Variants in CACNA1S observed in about 807,000 individuals in gnomAD.
CACNA1S encodes the protein voltage-dependent L-type calcium channel subunit alpha-1S.
Under a neutral mutation model 207.4 loss-of-function variants are expected in CACNA1S, and 126 were observed. The ratio of observed to expected loss-of-function variants is 0.61; its 90% CI spans 0.53 to 0.70. CACNA1S has a LOEUF of 0.70. Among genes scored for constraint, CACNA1S ranks in the 30% least tolerant of loss-of-function variants. CACNA1S has a pLI of 0.00. For synonymous variants in CACNA1S, 960 were observed against 932.7 expected, an observed-to-expected ratio of 1.03 and a Z score of -0.53; for missense variants, 2,349 against 2,422.8, an observed-to-expected ratio of 0.97 and a Z score of 0.64.
At chr1:201,090,031 G>A (rs1662170122) in intron 5 of CACNA1S, among the ~76,000 whole-genome samples, 1 of 152,244 alleles carries the variant, frequency 6.6e-6, no homozygotes, top group Non-Finnish European at 1.5e-5. Flanking sequence ...TACTTCTGAT[G>A]ACATCCTGCA....
At chr1:201,048,712 G>A (rs199750489) in intron 35 of CACNA1S, 28 bp from the exon 36 acceptor site, 39 of 1,587,706 alleles carry the variant, frequency 2.5e-5, no homozygotes, top group East Asian at 6.7e-5. Context: ...GTGGCCTGCC[G>A]CTGAGCTGGG....
chr1:201,093,600 A>G (rs556962352), intron 3 of CACNA1S, among the ~76,000 whole-genome samples: 261 of 152,346 alleles, frequency 1.7e-3, no homozygotes, highest in African/African-American at 6.0e-3. Flanking sequence ...GGAAACATCC[A>G]TATCATTTCC....
At chr1:201,098,021 C>G (rs748114053) in intron 2 of CACNA1S, among the ~76,000 whole-genome samples, 7 of 152,196 alleles carry the variant, frequency 4.6e-5, no homozygotes, top group Non-Finnish European at 1.0e-4. Context: ...TCTCACCCCC[C>G]AACTGTCTAT....
intron 2 of CACNA1S, among the ~76,000 whole-genome samples, chr1:201,104,131 C>T (rs755493801): frequency 6.6e-5 from 10 of 152,226 alleles, no homozygotes; most frequent in Non-Finnish European, 1.3e-4. Context: ...TTATAACAGG[C>T]CTGGCCAAGG....
intron 17 of CACNA1S, 30 bp downstream of exon 17, chr1:201,070,242 T>C: frequency 6.2e-7 from 1 of 1,613,458 alleles, no homozygotes; most frequent in Non-Finnish European, 8.5e-7. Context: ...GCCGCATCAA[T>C]CACCCCCACA....
At chr1:201,112,161 C>CG (rs1474107655) in intron 1 of CACNA1S, 27 bp downstream of exon 1, 1 of 1,607,230 alleles carries the variant, frequency 6.2e-7, no homozygotes, top group Non-Finnish European at 8.5e-7. Context: ...GCACACCCCC[C>CG]CCCACGGCCC....
chr1:201,064,400 C>T (rs956636199), intron 22 of CACNA1S, among the ~76,000 whole-genome samples: 13 of 152,226 alleles, frequency 8.5e-5, no homozygotes, highest in Non-Finnish European at 1.6e-4. Flanking sequence ...CTATTCCCCG[C>T]GAAGATTCTC....
chr1:201,076,114 C>T (rs936518182), intron 12 of CACNA1S, among the ~76,000 whole-genome samples: 87 of 152,298 alleles, frequency 5.7e-4, no homozygotes, highest in African/African-American at 1.8e-3. Context: ...AAGCTTATTG[C>T]TGCTCTCTAT....
intron 37 of CACNA1S, 114 bp from the exon 38 acceptor site, chr1:201,047,353 T>C: frequency 6.8e-7 from 1 of 1,463,150 alleles, no homozygotes; most frequent in Non-Finnish European, 9.5e-7. Context: ...TTTGTCTTGC[T>C]GACTTGGTCA....
intron 42 of CACNA1S, 40 bp downstream of exon 42, chr1:201,040,582 C>T: frequency 6.4e-7 from 1 of 1,571,660 alleles, no homozygotes; most frequent in Non-Finnish European, 8.8e-7. Flanking sequence ...CAGGCAGGGT[C>T]TCTGTATGGA....
In CACNA1S at chr1:201,074,003, C is replaced by T. The variant is rs543576925; in HGVS notation, c.2064-361G>A. 6.6e-5 allele frequency among the ~76,000 whole-genome samples: 10 copies of T among 152,270 alleles called. No homozygotes were observed. In the East Asian group the frequency reaches 1.7e-3, roughly 26 times the overall value. ...CTTTAGAAATGTCTGAACTCCATTG[C>T]TGGTCCCTCTTTTTCCATCTTGCCT... is the stretch of plus-strand genomic sequence containing the variant. On this transcript the variant is annotated intron_variant, in intron 14 of 43. Transcript: ENST00000362061.
chr1:201,059,123 G>A (rs1660952760), intron 27 of CACNA1S, 66 bp downstream of exon 27: 23 of 995,500 alleles, frequency 2.3e-5, no homozygotes, highest in Non-Finnish European at 3.4e-5. Context: ...GGGGGTGGAT[G>A]TTCCACTGGA....
At chr1:201,106,498 T>C (rs1165362961) in intron 2 of CACNA1S, among the ~76,000 whole-genome samples, 3 of 152,108 alleles carry the variant, frequency 2.0e-5, no homozygotes, top group African/African-American at 7.2e-5. Context: ...CCAGGCTACA[T>C]AATGGGGGGC....
intron 38 of CACNA1S, among the ~76,000 whole-genome samples, chr1:201,046,271 T>A (rs1290383545): frequency 2.0e-5 from 3 of 152,156 alleles, no homozygotes; most frequent in African/African-American, 7.2e-5. Flanking sequence ...AACCTCTGCC[T>A]CCCAGGTTCC....
Position 201,094,028 on chromosome 1 carries a change from G to A in CACNA1S, c.259-7C>T. 1 of 1,614,106 alleles carries A rather than the reference G, an allele frequency of 6.2e-7. No individual in the cohort carries two copies. The highest frequency in any genetic ancestry group is 8.5e-7 in the Non-Finnish European group (1 of 1,180,008). Reference sequence around the variant, plus strand: ...AGAAATACTCCAGCTTCTCCTGTGGGAGCAAACGTGGTCACAGCATGCCTC... The same window carrying A: ...AGAAATACTCCAGCTTCTCCTGTGGAAGCAAACGTGGTCACAGCATGCCTC... On this transcript the variant is annotated splice_polypyrimidine_tract_variant and splice_region_variant and intron_variant, in intron 2 of 43. Transcript: ENST00000362061.
intron 22 of CACNA1S, among the ~76,000 whole-genome samples, 171 bp downstream of exon 22, chr1:201,065,667 A>C (rs1661211079): frequency 6.6e-6 from 1 of 152,246 alleles, no homozygotes; most frequent in African/African-American, 2.4e-5. Context: ...GCTTTCTGCA[A>C]ACTTATGTGT....
At chr1:201,074,439 T>A in intron 14 of CACNA1S, 67 bp downstream of exon 14, 1 of 969,856 alleles carries the variant, frequency 1.0e-6, no homozygotes, top group Non-Finnish European at 1.6e-6. Flanking sequence ...GGAGGCCCTG[T>A]CCAGAGCTGG....
intron 7 of CACNA1S, among the ~76,000 whole-genome samples, 162 bp from the exon 8 acceptor site, chr1:201,085,743 G>A (rs567656483): frequency 6.6e-6 from 1 of 151,962 alleles, no homozygotes; most frequent in African/African-American, 2.4e-5. Flanking sequence ...AGGTGGCTGA[G>A]AGACAGCCCC....
intron 32 of CACNA1S, among the ~76,000 whole-genome samples, chr1:201,051,738 A>G (rs1230957784): frequency 6.6e-6 from 1 of 152,202 alleles, no homozygotes; most frequent in African/African-American, 2.4e-5. Context: ...ACATTCAGCC[A>G]GACTACATAA....
Sources: allele counts gnomAD v4.1 joint callset (sites outside exome capture counted in the v4.1 genomes callset), GRCh38; gene constraint gnomAD v4.1.1; transcripts MANE v1.5; gene names NCBI Gene and HGNC (gene_info 2026-07-23, HGNC 2026-07-21).